Variants in SUGCT observed in about 807,000 individuals in gnomAD.
SUGCT encodes the protein succinyl-CoA:glutarate-CoA transferase.
In SUGCT, 41 loss-of-function variants were observed where a neutral mutation model predicts 55.0. The observed-to-expected ratio is 0.74, with a 90% confidence interval of 0.58 to 0.97. The LOEUF is 0.97. SUGCT is among the 50% of genes least tolerant of loss of function. The pLI is 0.00. For missense variants in SUGCT, 568 were observed against 547.8 expected, an observed-to-expected ratio of 1.04 and a Z score of -0.37; for synonymous variants, 187 against 200.4, an observed-to-expected ratio of 0.93 and a Z score of 0.56.
At chr7:40,471,602 T>C (rs1790406982) in intron 11 of SUGCT, among the ~76,000 whole-genome samples, 1 of 152,054 alleles carries the variant, frequency 6.6e-6, no homozygotes, top group Admixed American at 6.5e-5. Flanking sequence ...AGTGAAGATG[T>C]AAAATTTTCT....
rs534033817 is a variant in SUGCT, at chr7:40,214,728, A to G, written c.484+19668A>G. Among the ~76,000 whole-genome samples the G allele has an allele frequency of 7.8e-4, 119 of 152,174 alleles. 1 individual carries two copies. Among genetic ancestry groups the G allele is most frequent in the African/African-American group, 2.7e-3 (113 of 41,534 alleles). ...CAGGAGTTCGAGACCAGCCTGGACAATATGGTGAAACCCCATCTCTACTAA... is the reference window on the plus strand; with the variant it reads ...CAGGAGTTCGAGACCAGCCTGGACAGTATGGTGAAACCCCATCTCTACTAA... On this transcript the variant is annotated intron_variant, in intron 6 of 13. Transcript: ENST00000335693.
intron 13 of SUGCT, among the ~76,000 whole-genome samples, chr7:40,854,018 A>G (rs1345531766): frequency 1.3e-5 from 2 of 152,248 alleles, no homozygotes; most frequent in East Asian, 3.9e-4. Context: ...GCACAAGGTT[A>G]TATGTGCTAC....
At chr7:40,847,224 AGT>A (rs1313676367) in intron 13 of SUGCT, among the ~76,000 whole-genome samples, 1 of 150,414 alleles carries the variant, frequency 6.6e-6, no homozygotes, top group East Asian at 2.1e-4. Flanking sequence ...CCCAAATAAC[AGT>A]GTCTTAAAAC....
At chr7:40,314,325 G>A (rs930479389) in intron 8 of SUGCT, among the ~76,000 whole-genome samples, 12 of 152,114 alleles carry the variant, frequency 7.9e-5, no homozygotes, top group African/African-American at 2.7e-4. Flanking sequence ...GAAATAACAA[G>A]CCTTTTGTGA....
At chr7:40,138,209 A>G (rs1420044612) in intron 1 of SUGCT, among the ~76,000 whole-genome samples, 1 of 152,182 alleles carries the variant, frequency 6.6e-6, no homozygotes, top group East Asian at 1.9e-4. Flanking sequence ...ATATGTACGC[A>G]TTATTTACCA....
intron 9 of SUGCT, among the ~76,000 whole-genome samples, chr7:40,323,099 A>G (rs1306365512): frequency 3.3e-5 from 5 of 151,222 alleles, no homozygotes; most frequent in Non-Finnish European, 7.4e-5. Flanking sequence ...CAATTTTCCC[A>G]TATGGCTCTG....
the SUGCT span, among the ~76,000 whole-genome samples, chr7:40,929,047 T>A: frequency 2.6e-5 from 4 of 152,220 alleles, no homozygotes; most frequent in African/African-American, 9.6e-5. Context: ...ACTTGTCATT[T>A]ACGTTAGGTA....
At chr7:40,883,416 T>C in the SUGCT span, among the ~76,000 whole-genome samples, 1 of 152,208 alleles carries the variant, frequency 6.6e-6, no homozygotes, top group Non-Finnish European at 1.5e-5. Flanking sequence ...TTAGTTTGCA[T>C]TACATAGAAA....
chr7:40,861,905 T>C (rs1191871619), downstream of SUGCT, among the ~76,000 whole-genome samples: 2 of 152,182 alleles, frequency 1.3e-5, no homozygotes, highest in Non-Finnish European at 2.9e-5. Flanking sequence ...GCAGTACTTT[T>C]CCCCCATTGG....
At chr7:40,935,770 A>G in the SUGCT span, among the ~76,000 whole-genome samples, 1 of 152,188 alleles carries the variant, frequency 6.6e-6, no homozygotes, top group Admixed American at 6.5e-5. Context: ...TAAGAGTTGA[A>G]TTACTAGGCT....
At chr7:41,037,017 C>T in the SUGCT span, among the ~76,000 whole-genome samples, 8,961 of 152,226 alleles carry the variant, frequency 0.059, 374 homozygotes, top group South Asian at 0.13. Context: ...TAACCTGGGA[C>T]AAGTGACTTC....
chr7:40,341,439 G>A (rs907991899), intron 9 of SUGCT, among the ~76,000 whole-genome samples: 1 of 152,190 alleles, frequency 6.6e-6, no homozygotes, highest in Non-Finnish European at 1.5e-5. Flanking sequence ...TAGAATGTAT[G>A]CGCCTGCTGT....
chr7:41,026,543 G>A, the SUGCT span, among the ~76,000 whole-genome samples: 6,794 of 152,300 alleles, frequency 0.045, 170 homozygotes, highest in South Asian at 0.09. Flanking sequence ...TGAAACTAAT[G>A]CAACAACTTA....
At chr7:40,766,925 G>A (rs574078188) in intron 13 of SUGCT, among the ~76,000 whole-genome samples, 2 of 152,290 alleles carry the variant, frequency 1.3e-5, no homozygotes, top group East Asian at 3.9e-4. Context: ...GGATGAAAGC[G>A]ATAGCCTGGA....
intron 1 of SUGCT, among the ~76,000 whole-genome samples, chr7:40,168,314 G>T (rs1784515301): frequency 6.6e-6 from 1 of 152,182 alleles, no homozygotes; most frequent in South Asian, 2.1e-4. Context: ...CGTAGTAGGG[G>T]TCATGCAGTT....
intron 7 of SUGCT, among the ~76,000 whole-genome samples, chr7:40,261,492 C>T (rs1042127458): frequency 6.6e-6 from 1 of 152,098 alleles, no homozygotes; most frequent in African/African-American, 2.4e-5. Flanking sequence ...AACATATGTA[C>T]TAAGATTCAA....
chr7:40,400,880 G>A (rs1786025690), intron 9 of SUGCT, among the ~76,000 whole-genome samples: 1 of 152,124 alleles, frequency 6.6e-6, no homozygotes, highest in South Asian at 2.1e-4. Flanking sequence ...TGGAGATGTA[G>A]GTGGGGAAAA....
At chr7:40,897,426 GACACACACACACAC>G in the SUGCT span, among the ~76,000 whole-genome samples, 16 of 148,892 alleles carry the variant, frequency 1.1e-4, no homozygotes, top group South Asian at 2.4e-3. Flanking sequence ...AATAAAGCTG[GACACACACACACAC>G]ACACACACAC....
chr7:40,282,618 A>C (rs1793041053), intron 8 of SUGCT, among the ~76,000 whole-genome samples: 1 of 152,142 alleles, frequency 6.6e-6, no homozygotes, highest in South Asian at 2.1e-4. Context: ...GGGCCAGTGC[A>C]GTGGCCTGTA....
Sources: gnomAD v4.1 joint callset for allele counts (sites outside exome capture counted in the v4.1 genomes callset) on GRCh38, gnomAD v4.1.1 for gene constraint, MANE v1.5 for transcripts, NCBI Gene and HGNC (gene_info 2026-07-23, HGNC 2026-07-21) for gene names.